SLC5A5: variants seen among roughly 807,000 people sequenced by gnomAD.
SLC5A5 encodes solute carrier family 5 member 5, also known as sodium/iodide cotransporter.
Under a neutral mutation model 68.6 loss-of-function variants are expected in SLC5A5, and 56 were observed. That is an observed-to-expected ratio of 0.82 (90% CI 0.66 to 1.02). The LOEUF is 1.02. SLC5A5 is among the 50% of genes least tolerant of loss of function. The pLI, the probability that SLC5A5 is intolerant of heterozygous loss-of-function variation, is 0.00. For synonymous variants in SLC5A5, 398 were observed against 373.0 expected (o/e 1.07, Z -0.77); for missense variants, 807 against 859.8 (o/e 0.94, Z 0.77).
At position 17,883,853 on chromosome 19, in the gene SLC5A5, GTCC is replaced by G; in HGVS notation, c.1336_1338del (p.Leu446del). 1 of 1,596,666 alleles carries G rather than the reference GTCC, an allele frequency of 6.3e-7. No individual in the cohort carries two copies. The highest frequency in any genetic ancestry group is 8.5e-7 in the Non-Finnish European group (1 of 1,172,582). On this transcript the variant is annotated inframe_deletion, in exon 12 of 15. Coordinates refer to ENST00000222248, the MANE Select transcript of SLC5A5 (RefSeq NM_000453.3). Reference sequence around the variant, plus strand: ...CTGACGCCGGCTCTGCCCCCAGGGCGTCCTCGCGGGACTAGGCGCGGGCTTGGC... The same window carrying G: ...CTGACGCCGGCTCTGCCCCCAGGGCGTCGCGGGACTAGGCGCGGGCTTGGC...
In SLC5A5 at chr19:17,876,124, G is replaced by C; in HGVS notation, c.698+18G>C. ...CTCATGGAGTGAGTGAAAATGCAGA[G>C]GATACTCCAGCAGGATGGGGCTGGG... On this transcript the variant is annotated intron_variant, in intron 5 of 14. Transcript: ENST00000222248. 1 of 1,613,342 alleles carries C rather than the reference G, an allele frequency of 6.2e-7. No homozygotes were observed. Among genetic ancestry groups the C allele is most frequent in the South Asian group, 1.1e-5 (1 of 91,068 alleles).
intron 8 of SLC5A5, among the ~76,000 whole-genome samples, chr19:17,881,727 C>T (rs1428012275): frequency 1.3e-5 from 2 of 152,222 alleles, no homozygotes; most frequent in Admixed American, 6.5e-5. Context: ...GACTGCAGTC[C>T]CTCTGGAACC....
chr19:17,881,944 T>G lies in SLC5A5; in HGVS notation c.1059-16T>G. The G allele has an allele frequency of 6.2e-7, 1 of 1,600,060 alleles. No homozygotes were observed. Among genetic ancestry groups the G allele is most frequent in the South Asian group, 1.1e-5 (1 of 90,662 alleles). On this transcript the variant is annotated splice_polypyrimidine_tract_variant and intron_variant, in intron 8 of 14. Transcript: ENST00000222248. ...TCCATATGGCCTGAGGACCCCCCGC[T>G]GCCTTCCTCACACAGCACAGCATCC... is the stretch of plus-strand genomic sequence containing the variant.
Position 17,893,829 on chromosome 19 carries a change from C to T in SLC5A5, c.1884C>T (p.Pro628=). The T allele has an allele frequency of 3.1e-6, 5 of 1,596,558 alleles. No individual in the cohort carries two copies. The highest frequency in any genetic ancestry group is 3.4e-6 in the Non-Finnish European group (4 of 1,170,150). The change falls in exon 15 of 15, where the codon CCC becomes CCT. Residue 628 remains proline (P), a synonymous_variant. Coordinates refer to ENST00000222248, the MANE Select transcript of SLC5A5 (RefSeq NM_000453.3). ...KELEGAGSWT[P]CVGHDGGRDQ... is the part of the protein sequence containing the mutation. ...TGGAGGGGGCTGGCTCTTGGACCCC[C>T]TGTGTTGGACATGATGGTGGTCGAG...
At chr19:17,877,677 T>C in intron 5 of SLC5A5, 46 bp from the exon 6 acceptor site, 3 of 1,612,062 alleles carry the variant, frequency 1.9e-6, no homozygotes, top group Non-Finnish European at 2.5e-6. Context: ...GAGGGTGAAG[T>C]CAGCGTGACA....
intron 6 of SLC5A5, 24 bp downstream of exon 6, chr19:17,877,887 C>T (rs753329237): frequency 8.7e-6 from 14 of 1,613,844 alleles, no homozygotes; most frequent in South Asian, 1.1e-5. Flanking sequence ...GGAGCAAGGT[C>T]GGGGTTTCTG....
Position 17,888,309 on chromosome 19 carries a change from G to A in SLC5A5, c.1527-22G>A, listed in dbSNP as rs764813279. ...GCAGGGGATAAAAGAGGAGGTTCAA[G>A]TCTGTCTCTCCCAACCTGCAGCTCA... On this transcript the variant is annotated intron_variant, in intron 12 of 14. Coordinates refer to ENST00000222248, the MANE Select transcript of SLC5A5 (RefSeq NM_000453.3). 1.1e-5 allele frequency: 18 copies of A among 1,613,324 alleles called. 2 individuals are homozygous for A. In the South Asian group the frequency reaches 1.8e-4, roughly 16 times the overall value.
intron 1 of SLC5A5, among the ~76,000 whole-genome samples, chr19:17,873,118 A>G (rs1208874386): frequency 1.3e-5 from 2 of 152,192 alleles, no homozygotes; most frequent in East Asian, 3.8e-4. Context: ...CAGCTGTCCA[A>G]TGGGCGAATT....
rs765098374 is a variant in SLC5A5 at position 17,882,084 on chromosome 19, G to A, written c.1171+12G>A. The stretch of plus-strand genomic sequence containing the variant: ...CTCCAAGGGGCTCTGTGAGTTTCAG[G>A]GAGACCTGGGTGGGAGGCCAGGGCA... On this transcript the variant is annotated intron_variant, in intron 9 of 14. Coordinates refer to ENST00000222248, the MANE Select transcript of SLC5A5 (RefSeq NM_000453.3). 3.1e-6 allele frequency: 5 copies of A among 1,613,162 alleles called. No homozygotes were observed. The highest frequency in any genetic ancestry group is 1.1e-5 in the South Asian group (1 of 91,074).
At chr19:17,890,374 A>G (rs1209994209) in intron 13 of SLC5A5, among the ~76,000 whole-genome samples, 1 of 151,314 alleles carries the variant, frequency 6.6e-6, no homozygotes, top group Non-Finnish European at 1.5e-5. Flanking sequence ...CCAACCTCCA[A>G]TGATGTTTTT....
chr19:17,894,030 C>A lies in SLC5A5; in HGVS notation c.*153C>A. Reference sequence around the variant, plus strand: ...ACAATACCCTACCCTATGGGGAGGCCCTGCCTCCGGGAGGTCATTTTTTAA... The same window carrying A: ...ACAATACCCTACCCTATGGGGAGGCACTGCCTCCGGGAGGTCATTTTTTAA... On this transcript the variant is annotated 3_prime_UTR_variant, in exon 15 of 15. Coordinates refer to ENST00000222248, the MANE Select transcript of SLC5A5 (RefSeq NM_000453.3). 2 of 759,776 alleles carry A rather than the reference C, an allele frequency of 2.6e-6. No homozygotes were observed. Among genetic ancestry groups the A allele is most frequent in the Non-Finnish European group, 2.2e-6 (1 of 459,002 alleles). 47.1% of individuals were successfully genotyped at this position (759,776 alleles called of 1,614,324 possible).
In SLC5A5 at chr19:17,893,852, G is replaced by C. The variant is rs375454402; in HGVS notation, c.1907G>C (p.Arg636Pro). 1.9e-6 allele frequency: 3 copies of C among 1,576,086 alleles called. No homozygotes were observed. Among genetic ancestry groups the C allele is most frequent in the Admixed American group, 3.6e-5 (2 of 54,940 alleles). Residue 636 changes from arginine to proline, a missense_variant, in exon 15 of 15, where the codon CGA (arginine) becomes CCA (proline). Transcript: ENST00000222248. ...CCCTGTGTTGGACATGATGGTGGTC[G>C]AGACCAGCAGGAGACAAACCTCTGA... ...WTPCVGHDGG[R>P]DQQETNL
Position 17,877,743 on chromosome 19 carries a change from G to T in SLC5A5, c.719G>T (p.Ser240Ile). ...CCCAGCTTTAACCCTGACCCGAGGA[G>T]CCGCTATACATTCTGGACTTTTGTG... ...NLMDFNPDPR[S>I]RYTFWTFVVG... is the part of the protein sequence containing the mutation. Residue 240 changes from serine (S) to isoleucine (I), a missense_variant, in exon 6 of 15, where the codon AGC (serine) becomes ATC (isoleucine). By Grantham distance (142) the Ser-to-Ile change is moderately radical. Coordinates refer to ENST00000222248, the MANE Select transcript of SLC5A5 (RefSeq NM_000453.3). 1 of 1,614,220 alleles carries T rather than the reference G, an allele frequency of 6.2e-7. No homozygotes were observed.
At chr19:17,880,635 G>A (rs927957160) in intron 7 of SLC5A5, among the ~76,000 whole-genome samples, 1 of 152,180 alleles carries the variant, frequency 6.6e-6, no homozygotes, top group Non-Finnish European at 1.5e-5. Flanking sequence ...GTTCTAGGCT[G>A]CAGTGAGCCA....
At chr19:17,890,496 A>G (rs868163771) in intron 13 of SLC5A5, among the ~76,000 whole-genome samples, 4 of 152,092 alleles carry the variant, frequency 2.6e-5, no homozygotes, top group African/African-American at 7.2e-5. Flanking sequence ...GGCTCAAGCA[A>G]TCCTCCTGCC....
chr19:17,880,846 GA>G lies in SLC5A5; in HGVS notation c.970-18del, dbSNP rs2094319102. The G allele has an allele frequency of 1.3e-6, 2 of 1,596,172 alleles. No individual in the cohort carries two copies. Among genetic ancestry groups the G allele is most frequent in the African/African-American group, 2.7e-5 (2 of 74,612 alleles). The stretch of plus-strand genomic sequence containing the variant: ...TCGGGGTGCAGCTGTCTGGGAGGCT[GA>G]CCCCCAGTTCTCCCCAGTACATGCC... On this transcript the variant is annotated intron_variant, in intron 7 of 14. Coordinates refer to ENST00000222248, the MANE Select transcript of SLC5A5 (RefSeq NM_000453.3).
At position 17,894,032 on chromosome 19, in the gene SLC5A5, T is replaced by G; in HGVS notation, c.*155T>G. On this transcript the variant is annotated 3_prime_UTR_variant, in exon 15 of 15. Coordinates refer to ENST00000222248, the MANE Select transcript of SLC5A5 (RefSeq NM_000453.3). ...AATACCCTACCCTATGGGGAGGCCCTGCCTCCGGGAGGTCATTTTTTAAAT... is the reference window on the plus strand; with the variant it reads ...AATACCCTACCCTATGGGGAGGCCCGGCCTCCGGGAGGTCATTTTTTAAAT... 1 of 736,546 alleles carries G rather than the reference T, an allele frequency of 1.4e-6. No individual in the cohort carries two copies. The highest frequency in any genetic ancestry group is 2.3e-6 in the Non-Finnish European group (1 of 442,294). The allele number at this position is 736,546 out of a possible 1,614,324, so 45.6% of individuals were successfully genotyped here. A position where few individuals can be genotyped will look rare whatever the true frequency, so the allele number is the denominator to read the frequency against.
At chr19:17,882,828 C>T (rs1167400730) in intron 10 of SLC5A5, among the ~76,000 whole-genome samples, 4 of 152,062 alleles carry the variant, frequency 2.6e-5, no homozygotes, top group Admixed American at 6.6e-5. Flanking sequence ...GGACTACAAG[C>T]GCCCGCCACC....
At chr19:17,889,012 A>G (rs1452716775) in intron 13 of SLC5A5, among the ~76,000 whole-genome samples, 3 of 151,914 alleles carry the variant, frequency 2.0e-5, no homozygotes, top group Non-Finnish European at 4.4e-5. Context: ...TTTTATGTGT[A>G]TATATACATA....
Sources: allele counts gnomAD v4.1 joint callset (sites outside exome capture counted in the v4.1 genomes callset), GRCh38; gene constraint gnomAD v4.1.1; transcripts MANE v1.5; gene names NCBI Gene and HGNC (gene_info 2026-07-23, HGNC 2026-07-21).